CAPZA1: variants seen among roughly 807,000 people sequenced by gnomAD.
The protein encoded by CAPZA1 is capping actin protein of muscle Z-line subunit alpha 1.
In CAPZA1, 10 loss-of-function variants were observed where a neutral mutation model predicts 40.8. That is an observed-to-expected ratio of 0.25 (90% confidence interval 0.15 to 0.42). The LOEUF is 0.42. CAPZA1 is among the 10% of genes least tolerant of loss of function. The pLI is 1.00. For synonymous variants in CAPZA1, 98 were observed against 115.0 expected (o/e 0.85, Z 0.95); for missense variants, 277 against 353.8 (o/e 0.78, Z 1.74).
At chr1:112,629,669 CAG>C (rs576990191) in intron 1 of CAPZA1, among the ~76,000 whole-genome samples, 29 of 152,332 alleles carry the variant, frequency 1.9e-4, no homozygotes, top group African/African-American at 6.7e-4. Context: ...GCTTTGTCCT[CAG>C]AAAGCTTTAG....
intron 5 of CAPZA1, among the ~76,000 whole-genome samples, chr1:112,656,440 ATTTT>A (rs56343358): frequency 6.3e-4 from 29 of 45,766 alleles, no homozygotes; most frequent in Non-Finnish European, 9.0e-4. Flanking sequence ...ATTATGTTTG[ATTTT>A]TTTTTTTTTT....
intron 1 of CAPZA1, among the ~76,000 whole-genome samples, chr1:112,640,217 G>C (rs1570709234): frequency 8.5e-6 from 1 of 117,316 alleles, no homozygotes. Context: ...CCGGCCAGCC[G>C]CCCCGTCCGG....
chr1:112,631,365 A>G (rs1670913216), intron 1 of CAPZA1, among the ~76,000 whole-genome samples: 4 of 152,196 alleles, frequency 2.6e-5, no homozygotes, highest in Admixed American at 2.6e-4. Context: ...GCTGTATGGG[A>G]GTCTGTCTCA....
At position 112,648,352 on chromosome 1, in the gene CAPZA1, T is replaced by C. The variant is rs533081470; in HGVS notation, c.104-1066T>C. On this transcript the variant is annotated intron_variant, in intron 2 of 9. Coordinates refer to ENST00000263168, the MANE Select transcript of CAPZA1 (RefSeq NM_006135.3). ...AATTTTCCTGTTGAATTTTTCTTTT[T>C]TTTTTTTTTTTTTTTTTGACGGAGT... Among the ~76,000 whole-genome samples, 48 of 136,476 alleles carry C rather than the reference T, an allele frequency of 3.5e-4. No individual in the cohort carries two copies. The South Asian group carries it at 6.1e-3, about 17-fold the overall frequency. 89.5% of individuals were successfully genotyped at this position (136,476 alleles called of 152,430 possible).
intron 1 of CAPZA1, among the ~76,000 whole-genome samples, chr1:112,637,655 T>TACCCAGCCTACCC: frequency 6.6e-6 from 1 of 152,226 alleles, no homozygotes; most frequent in South Asian, 2.1e-4. Flanking sequence ...TCTTACTGTG[T>TACCCAGCCTACCC]TGCCTAGGCT....
At chr1:112,641,600 A>G (rs1412656457) in intron 1 of CAPZA1, among the ~76,000 whole-genome samples, 1 of 152,132 alleles carries the variant, frequency 6.6e-6, no homozygotes, top group Non-Finnish European at 1.5e-5. Context: ...ATTAGATATT[A>G]AAACTGAGGC....
chr1:112,640,390 C>A (rs1166777698), intron 1 of CAPZA1, among the ~76,000 whole-genome samples: 1 of 120,748 alleles, frequency 8.3e-6, no homozygotes, highest in African/African-American at 3.3e-5. Context: ...CCCGGCCAGC[C>A]GCCCCGTCCG....
intron 1 of CAPZA1, among the ~76,000 whole-genome samples, chr1:112,623,867 G>A (rs10399919): frequency 1.3e-5 from 2 of 151,040 alleles, no homozygotes; most frequent in African/African-American, 2.4e-5. Flanking sequence ...TTAGCCGGGC[G>A]TGGTGGCAGG....
At position 112,626,577 on chromosome 1, in the gene CAPZA1, A is replaced by G. The variant is rs183697269; in HGVS notation, c.39+6694A>G. On this transcript the variant is annotated intron_variant, in intron 1 of 9. Transcript: ENST00000263168. ...ATCTTTTCTAATTCTATGCATATAC[A>G]GACACACTTTTCACTTAATAATATC... 3.4e-4 allele frequency among the ~76,000 whole-genome samples: 52 copies of G among 152,314 alleles called. No individual in the cohort carries two copies. In the Middle Eastern group the frequency reaches 0.014, roughly 40 times the overall value.
At chr1:112,663,662 T>A (rs1570726536) in intron 7 of CAPZA1, among the ~76,000 whole-genome samples, 1 of 151,898 alleles carries the variant, frequency 6.6e-6, no homozygotes, top group East Asian at 2.0e-4. Flanking sequence ...CCACCATGCC[T>A]GCCTAATTTT....
At chr1:112,650,446 T>C (rs1157527051) in intron 3 of CAPZA1, among the ~76,000 whole-genome samples, 1 of 152,188 alleles carries the variant, frequency 6.6e-6, no homozygotes, top group African/African-American at 2.4e-5. Flanking sequence ...TAGGCTCACA[T>C]CGGAGATATA....
chr1:112,621,332 A>G (rs1451408269), intron 1 of CAPZA1, among the ~76,000 whole-genome samples: 16 of 151,546 alleles, frequency 1.1e-4, no homozygotes, highest in Admixed American at 1.1e-3. Flanking sequence ...GCTCACTGCA[A>G]CTTCCGCCTC....
intron 1 of CAPZA1, among the ~76,000 whole-genome samples, chr1:112,637,597 G>A (rs1199098664): frequency 6.6e-6 from 1 of 152,166 alleles, no homozygotes; most frequent in East Asian, 1.9e-4. Context: ...ACAGGCATGT[G>A]CCACCATGCC....
chr1:112,670,113 A>G lies in CAPZA1; in HGVS notation c.842A>G (p.Lys281Arg), dbSNP rs761161086. Residue 281 changes from lysine (K) to arginine (R), a missense_variant, in exon 10 of 10, where the codon AAA becomes AGA. Physicochemically the swap from Lys to Arg is conservative, Grantham distance 26. This residue lies in a region of CAPZA1 where 192 missense variants were observed against 277.2 expected (regional missense o/e 0.69). Coordinates refer to ENST00000263168, the MANE Select transcript of CAPZA1 (RefSeq NM_006135.3). ...WNKILSYKIGKEMQNA is the reference protein window; with the variant it reads ...WNKILSYKIGREMQNA ...AAGATACTCAGCTACAAGATTGGCA[A>G]AGAAATGCAGAATGCTTAAAGGCTG... 7 of 1,613,884 alleles carry G rather than the reference A, an allele frequency of 4.3e-6. No individual in the cohort carries two copies. Among genetic ancestry groups the G allele is most frequent in the Admixed American group, 3.3e-5 (2 of 60,000 alleles).
intron 8 of CAPZA1, among the ~76,000 whole-genome samples, 159 bp from the exon 9 acceptor site, chr1:112,669,384 G>A (rs1671786399): frequency 6.6e-6 from 1 of 152,098 alleles, no homozygotes; most frequent in Non-Finnish European, 1.5e-5. Context: ...GTCTTCCATA[G>A]AGTTGTTGTG....
At chr1:112,647,105 A>G in intron 1 of CAPZA1, 105 bp from the exon 2 acceptor site, 1 of 552,864 alleles carries the variant, frequency 1.8e-6, no homozygotes, top group Non-Finnish European at 3.0e-6. Flanking sequence ...TAAACAGAAC[A>G]TTTTTTTCAA....
At chr1:112,633,051 T>C (rs1670951778) in intron 1 of CAPZA1, among the ~76,000 whole-genome samples, 2 of 152,208 alleles carry the variant, frequency 1.3e-5, no homozygotes. Context: ...GAAAATAATA[T>C]TTAGTTTATT....
chr1:112,661,358 G>T (rs1671603934), intron 7 of CAPZA1, among the ~76,000 whole-genome samples: 1 of 152,082 alleles, frequency 6.6e-6, no homozygotes, highest in Non-Finnish European at 1.5e-5. Context: ...CAACTTTCAA[G>T]CACATTCTGT....
intron 1 of CAPZA1, among the ~76,000 whole-genome samples, chr1:112,634,480 G>C (rs935706351): frequency 2.0e-5 from 3 of 152,126 alleles, no homozygotes; most frequent in Non-Finnish European, 4.4e-5. Context: ...AAGTGGCTAG[G>C]ACCCAAAGGA....
Sources: gnomAD v4.1 joint callset for allele counts (sites outside exome capture counted in the v4.1 genomes callset) on GRCh38, gnomAD v4.1.1 for gene constraint, gnomAD v4.1.1 regional missense constraint, MANE v1.5 for transcripts, NCBI Gene and HGNC (gene_info 2026-07-23, HGNC 2026-07-21) for gene names.